Variants in ARHGAP20 observed in about 807,000 individuals in gnomAD.
ARHGAP20 encodes the protein Rho GTPase activating protein 20.
In ARHGAP20, 34 loss-of-function variants were observed where a neutral mutation model predicts 73.7. The observed-to-expected ratio is 0.46, with a 90% CI of 0.35 to 0.61. ARHGAP20 has a LOEUF of 0.61. ARHGAP20 is among the 20% of genes least tolerant of loss of function. The probability of loss-of-function intolerance (pLI) is 0.00; values close to 1 mark genes in which losing one functional copy is unlikely to be tolerated. For synonymous variants in ARHGAP20, 523 were observed against 518.2 expected (o/e 1.01, Z -0.13); for missense variants, 1,314 against 1,420.9 (o/e 0.92, Z 1.21).
chr11:110,601,820 C>T (rs964636138), intron 9 of ARHGAP20, among the ~76,000 whole-genome samples: 1 of 151,008 alleles, frequency 6.6e-6, no homozygotes, highest in Non-Finnish European at 1.5e-5. Context: ...CCCATCTCTA[C>T]TAAAAATACA....
intron 9 of ARHGAP20, among the ~76,000 whole-genome samples, chr11:110,606,024 C>T (rs1048860183): frequency 6.6e-6 from 1 of 152,168 alleles, no homozygotes; most frequent in Non-Finnish European, 1.5e-5. Flanking sequence ...TCACTTTTAT[C>T]ATTCCAGAGT....
At chr11:110,625,030 T>A (rs1176595648) in intron 3 of ARHGAP20, among the ~76,000 whole-genome samples, 1 of 104,748 alleles carries the variant, frequency 9.5e-6, no homozygotes, top group African/African-American at 5.4e-5. Context: ...ATTTTTATTT[T>A]TATTTTTTTT....
rs1022102459 is a variant in ARHGAP20 at position 110,605,087 on chromosome 11, G to A, written c.964+1474C>T. On this transcript the variant is annotated intron_variant, in intron 9 of 14. Coordinates refer to ENST00000683387, the MANE Select transcript of ARHGAP20 (RefSeq NM_001384657.1). ...GAGATTTTAGGAGATGTATAGGAATGTAGAAAAGAAGGTCAAAGAAACAGA... is the reference window on the plus strand; with the variant it reads ...GAGATTTTAGGAGATGTATAGGAATATAGAAAAGAAGGTCAAAGAAACAGA... 6.6e-5 allele frequency among the ~76,000 whole-genome samples: 10 copies of A among 152,286 alleles called. No individual in the cohort carries two copies. In the East Asian group the frequency reaches 1.9e-3, roughly 29 times the overall value.
At chr11:110,644,169 G>A (rs1949134739) in intron 2 of ARHGAP20, among the ~76,000 whole-genome samples, 1 of 151,966 alleles carries the variant, frequency 6.6e-6, no homozygotes, top group Admixed American at 6.6e-5. Context: ...GTAAATAAAT[G>A]GAAAAACATT....
intron 5 of ARHGAP20, 85 bp downstream of exon 5, chr11:110,615,468 A>C (rs1948462907): frequency 7.8e-7 from 1 of 1,281,542 alleles, no homozygotes. Flanking sequence ...GAGAAGGGGA[A>C]TAATTTGGGG....
chr11:110,701,583 T>A (rs1262095603), intron 1 of ARHGAP20, among the ~76,000 whole-genome samples: 4 of 151,526 alleles, frequency 2.6e-5, no homozygotes, highest in Admixed American at 1.3e-4. Flanking sequence ...GCTCTTTAGT[T>A]TAATTAAATC....
intron 2 of ARHGAP20, among the ~76,000 whole-genome samples, chr11:110,686,694 T>A (rs1456385232): frequency 2.0e-5 from 3 of 152,098 alleles, no homozygotes; most frequent in African/African-American, 7.2e-5. Context: ...AGATGATAGC[T>A]CTCATGTTAA....
At chr11:110,609,372 G>A (rs142193462) in intron 7 of ARHGAP20, among the ~76,000 whole-genome samples, 21 of 152,252 alleles carry the variant, frequency 1.4e-4, no homozygotes, top group African/African-American at 4.1e-4. Context: ...CCCCTGCAAA[G>A]ACAACCTTAT....
chr11:110,630,900 G>C (rs1948847309), intron 2 of ARHGAP20, 108 bp from the exon 3 acceptor site: 3 of 1,116,276 alleles, frequency 2.7e-6, no homozygotes, highest in African/African-American at 1.6e-5. Flanking sequence ...CATCCTAACT[G>C]GTCATGAGTC....
chr11:110,695,961 CT>C (rs1461715955), intron 1 of ARHGAP20, among the ~76,000 whole-genome samples: 1 of 151,490 alleles, frequency 6.6e-6, no homozygotes, highest in Non-Finnish European at 1.5e-5. Context: ...TGTGGTATAT[CT>C]ATACAACAAA....
intron 2 of ARHGAP20, among the ~76,000 whole-genome samples, chr11:110,636,397 T>C (rs1448196947): frequency 8.5e-5 from 13 of 152,122 alleles, no homozygotes. Flanking sequence ...ATTATTTTGC[T>C]TGGGGTTGGC....
chr11:110,677,409 T>C (rs934012532), intron 2 of ARHGAP20, among the ~76,000 whole-genome samples: 5 of 152,150 alleles, frequency 3.3e-5, no homozygotes, highest in African/African-American at 9.7e-5. Context: ...ATCTCACCAC[T>C]GTGAGAGGCC....
intron 4 of ARHGAP20, among the ~76,000 whole-genome samples, chr11:110,617,005 T>C (rs947826378): frequency 1.3e-5 from 2 of 152,140 alleles, no homozygotes; most frequent in East Asian, 3.9e-4. Flanking sequence ...CTGAACACAG[T>C]CACATAAACC....
intron 2 of ARHGAP20, among the ~76,000 whole-genome samples, chr11:110,675,286 A>G (rs1448119433): frequency 1.3e-5 from 2 of 152,194 alleles, no homozygotes. Context: ...GACAGAGACC[A>G]CTTCTAATCT....
At chr11:110,662,775 T>C (rs1249893833) in intron 2 of ARHGAP20, among the ~76,000 whole-genome samples, 1 of 151,898 alleles carries the variant, frequency 6.6e-6, no homozygotes, top group Non-Finnish European at 1.5e-5. Flanking sequence ...TAAAGATAAT[T>C]TGCCTTATGA....
intron 1 of ARHGAP20, among the ~76,000 whole-genome samples, chr11:110,705,054 T>A (rs779622507): frequency 3.3e-5 from 5 of 152,188 alleles, no homozygotes; most frequent in Non-Finnish European, 7.3e-5. Context: ...GCAATTTAAG[T>A]TGAAATCTAG....
chr11:110,660,875 T>C (rs1334539404), intron 2 of ARHGAP20, among the ~76,000 whole-genome samples: 1 of 152,178 alleles, frequency 6.6e-6, no homozygotes, highest in Non-Finnish European at 1.5e-5. Context: ...TTGGGCCCTG[T>C]CTCTAGTTCC....
intron 4 of ARHGAP20, among the ~76,000 whole-genome samples, chr11:110,617,425 G>A (rs1251852484): frequency 6.6e-6 from 1 of 151,886 alleles, no homozygotes; most frequent in African/African-American, 2.4e-5. Flanking sequence ...ACCACGCCTG[G>A]CTAATTTTGT....
At chr11:110,635,441 T>G (rs1413613265) in intron 2 of ARHGAP20, among the ~76,000 whole-genome samples, 1 of 152,140 alleles carries the variant, frequency 6.6e-6, no homozygotes, top group East Asian at 1.9e-4. Context: ...TCTTCATTAG[T>G]CTACAACGCA....
Sources: gnomAD v4.1 joint callset for allele counts (sites outside exome capture counted in the v4.1 genomes callset) on GRCh38, gnomAD v4.1.1 for gene constraint, MANE v1.5 for transcripts, NCBI Gene and HGNC (gene_info 2026-07-23, HGNC 2026-07-21) for gene names.